CHD6: variants seen among roughly 807,000 people sequenced by gnomAD.
CHD6 encodes ATP-dependent chromatin remodeler CHD6.
CHD6 carries 50 observed loss-of-function variants against 276.9 expected under a neutral mutation model. The ratio of observed to expected loss-of-function variants is 0.18; its 90% confidence interval spans 0.14 to 0.23. The LOEUF (loss-of-function observed/expected upper bound fraction) is 0.23, where lower values mean the gene tolerates loss of function less well. Among genes scored for constraint, CHD6 ranks in the 10% least tolerant of loss-of-function variants. The pLI, the probability that CHD6 is intolerant of heterozygous loss-of-function variation, is 1.00. For missense variants in CHD6, 2,564 were observed against 3,365.8 expected, an observed-to-expected ratio of 0.76 and a Z score of 5.89; for synonymous variants, 1,173 against 1,229.3, an observed-to-expected ratio of 0.95 and a Z score of 0.96.
In CHD6 at chr20:41,452,118, G is replaced by T; in HGVS notation, c.3324-93C>A. On this transcript the variant is annotated intron_variant, in intron 21 of 36. Transcript: ENST00000373233. This position sits in a 1 kb window ranked among gnomAD's most constrained non-coding sequence, Gnocchi z 4.2. ...AGGAGGAGAAACAAGAGCCATACAT[G>T]CTTTTTGTTCTCTGTAGGTCTGTTA... 1 of 983,000 alleles carries T rather than the reference G, an allele frequency of 1.0e-6. No homozygotes were observed. The highest frequency in any genetic ancestry group is 1.6e-6 in the Non-Finnish European group (1 of 631,094). 60.9% of individuals were successfully genotyped at this position (983,000 alleles called of 1,614,324 possible).
intron 1 of CHD6, among the ~76,000 whole-genome samples, chr20:41,616,596 C>T (rs2045936363): frequency 1.3e-5 from 2 of 152,290 alleles, no homozygotes; most frequent in South Asian, 4.1e-4. Flanking sequence ...ACTTATAATT[C>T]ATCTATGAAA....
intron 17 of CHD6, among the ~76,000 whole-genome samples, chr20:41,467,643 A>T (rs1330830129): frequency 6.7e-6 from 1 of 148,852 alleles, no homozygotes; most frequent in East Asian, 2.0e-4. Context: ...CTGAGGCAGG[A>T]CTGCTTGAGG....
At chr20:41,567,687 T>G (rs899543128) in intron 1 of CHD6, among the ~76,000 whole-genome samples, 1 of 152,148 alleles carries the variant, frequency 6.6e-6, no homozygotes, top group Non-Finnish European at 1.5e-5. Flanking sequence ...TCTTCCCATG[T>G]GAAACTCTTA....
At chr20:41,440,979 T>C (rs956566666) in intron 25 of CHD6, among the ~76,000 whole-genome samples, 2 of 152,208 alleles carry the variant, frequency 1.3e-5, no homozygotes, top group Non-Finnish European at 2.9e-5. Context: ...TTGATGCAGT[T>C]GTATCCTTCA....
intron 2 of CHD6, among the ~76,000 whole-genome samples, chr20:41,541,798 C>A (rs2044947764): frequency 6.6e-6 from 1 of 152,190 alleles, no homozygotes; most frequent in Non-Finnish European, 1.5e-5. Flanking sequence ...AACCTTTCCA[C>A]CCCCAAATAC....
Position 41,405,201 on chromosome 20 carries a change from T to C in CHD6, c.7540A>G (p.Thr2514Ala). 3.1e-6 allele frequency: 5 copies of C among 1,614,166 alleles called. No individual in the cohort carries two copies. The highest frequency in any genetic ancestry group is 4.2e-6 in the Non-Finnish European group (5 of 1,180,032). ...AGCATCATGGGCAGCATGCTCAGGG[T>C]ACTTTTGACCTCTTCACCTGTTGGC... ...TMPTGEEVKS[T>A]LSMLPMMLPG... The change falls in exon 37 of 37, where the codon ACC becomes GCC. Residue 2514 changes from threonine (T) to alanine (A), a missense_variant. Around this residue, in one of 7 missense-constraint regions of CHD6, gnomAD observed 238 missense variants for 266.0 expected, o/e 0.89. Transcript: ENST00000373233.
At chr20:41,564,057 G>C (rs755538023) in intron 1 of CHD6, 1 of 779,558 alleles carries the variant, frequency 1.3e-6, no homozygotes, top group South Asian at 1.3e-5. Context: ...CACAAGCGTT[G>C]TGGGATTTGG....
chr20:41,529,779 G>A (rs974497870), intron 3 of CHD6, among the ~76,000 whole-genome samples: 1 of 152,080 alleles, frequency 6.6e-6, no homozygotes, highest in Non-Finnish European at 1.5e-5. Context: ...AGAGGAAGGA[G>A]TCTGGATTTT....
At chr20:41,492,335 A>G (rs550357062) in intron 10 of CHD6, among the ~76,000 whole-genome samples, 2 of 152,212 alleles carry the variant, frequency 1.3e-5, no homozygotes, top group Non-Finnish European at 2.9e-5. Flanking sequence ...ACTATTAACT[A>G]TGTAAGTTTC....
chr20:41,610,713 G>A lies in CHD6; in HGVS notation c.-24+7627C>T, dbSNP rs190378572. On this transcript the variant is annotated intron_variant, in intron 1 of 36. Transcript: ENST00000373233. ...GCGGAGCTTGCAGTGAGCTGAGATC[G>A]CGCCACTGCACTCCAGCCTGGGTGA... 7.3e-3 allele frequency among the ~76,000 whole-genome samples: 1,105 copies of A among 152,104 alleles called. 8 individuals carry two copies. Among genetic ancestry groups the A allele is most frequent in the Non-Finnish European group, 0.011 (777 of 67,990 alleles).
intron 2 of CHD6, among the ~76,000 whole-genome samples, chr20:41,548,732 C>T (rs1486403174): frequency 5.9e-5 from 9 of 151,980 alleles, no homozygotes; most frequent in African/African-American, 1.9e-4. Context: ...AGAAAATTTT[C>T]GCAACCTACT....
At chr20:41,466,964 C>T (rs996927999) in intron 17 of CHD6, among the ~76,000 whole-genome samples, 5 of 152,164 alleles carry the variant, frequency 3.3e-5, no homozygotes, top group African/African-American at 1.2e-4. Flanking sequence ...CCTTATTTTT[C>T]CTTTCTGAGA....
intron 1 of CHD6, among the ~76,000 whole-genome samples, chr20:41,558,135 C>T (rs943091412): frequency 3.0e-4 from 46 of 152,168 alleles, no homozygotes; most frequent in African/African-American, 1.1e-3. Flanking sequence ...AGAAATCCCC[C>T]AACTTCCCAT....
chr20:41,472,155 C>T (rs914638832), intron 17 of CHD6, among the ~76,000 whole-genome samples: 4 of 151,736 alleles, frequency 2.6e-5, no homozygotes, highest in Admixed American at 6.6e-5. Flanking sequence ...GCAAGAGAAT[C>T]GCTTGAACCT....
At chr20:41,589,700 T>C (rs2045635282) in intron 1 of CHD6, among the ~76,000 whole-genome samples, 1 of 152,180 alleles carries the variant, frequency 6.6e-6, no homozygotes, top group African/African-American at 2.4e-5. Flanking sequence ...TACAAATCAC[T>C]GCTCAACGAA....
At chr20:41,569,124 CA>C (rs2045389591) in intron 1 of CHD6, among the ~76,000 whole-genome samples, 1 of 152,132 alleles carries the variant, frequency 6.6e-6, no homozygotes, top group African/African-American at 2.4e-5. Flanking sequence ...GTTCTCCTTG[CA>C]AAAGCAAACA....
chr20:41,470,576 G>A (rs991779732), intron 17 of CHD6, among the ~76,000 whole-genome samples: 12 of 152,146 alleles, frequency 7.9e-5, no homozygotes, highest in African/African-American at 2.9e-4. Context: ...TTTCAGTTTG[G>A]ACTTCACTGC....
rs368160663 is a variant in CHD6 at position 41,442,002 on chromosome 20, G to A, written c.3878-1873C>T. 1.2e-4 allele frequency among the ~76,000 whole-genome samples: 18 copies of A among 152,338 alleles called. No individual in the cohort carries two copies. In the East Asian group the frequency reaches 3.5e-3, roughly 29 times the overall value. Reference sequence around the variant, plus strand: ...CTGTCAAGAGCATAATTTAGAATAGGTTTGCCACAGAAATCTTTTTGCTGC... The same window carrying A: ...CTGTCAAGAGCATAATTTAGAATAGATTTGCCACAGAAATCTTTTTGCTGC... On this transcript the variant is annotated intron_variant, in intron 25 of 36. Transcript: ENST00000373233.
intron 20 of CHD6, among the ~76,000 whole-genome samples, chr20:41,453,978 G>C (rs767657676): frequency 3.3e-5 from 5 of 152,154 alleles, no homozygotes; most frequent in East Asian, 1.9e-4. Context: ...ATCCTGAAGT[G>C]AGGTGACAGG....
Sources: gnomAD v4.1 joint callset for allele counts (sites outside exome capture counted in the v4.1 genomes callset) on GRCh38, gnomAD v4.1.1 for gene constraint, gnomAD v4.1.1 regional missense constraint, Gnocchi (gnomAD v3.1) non-coding constraint, MANE v1.5 for transcripts, NCBI Gene and HGNC (gene_info 2026-07-23, HGNC 2026-07-21) for gene names.